Variants in RDX observed in about 807,000 individuals in gnomAD.
The protein encoded by RDX is radixin.
A neutral mutation model predicts 83.7 loss-of-function variants in RDX; 32 were observed. The observed-to-expected ratio is 0.38, with a 90% confidence interval of 0.29 to 0.51. The LOEUF (loss-of-function observed/expected upper bound fraction) is 0.51. Among genes scored for constraint, RDX ranks in the 20% least tolerant of loss-of-function variants. RDX has a pLI of 0.87. For missense variants in RDX, 600 were observed against 689.9 expected (o/e 0.87, Z 1.46); for synonymous variants, 229 against 222.7 (o/e 1.03, Z -0.25).
chr11:110,224,213 ATATAT>A (rs1392471110), intron 14 of RDX, among the ~76,000 whole-genome samples: 2 of 150,768 alleles, frequency 1.3e-5, no homozygotes, highest in Non-Finnish European at 2.9e-5. Flanking sequence ...CTGTTTATAT[ATATAT>A]ATTAAAAAAA....
chr11:110,202,307 C>T (rs1271040769), intron 14 of RDX, among the ~76,000 whole-genome samples: 2 of 151,876 alleles, frequency 1.3e-5, no homozygotes, highest in Non-Finnish European at 2.9e-5. Flanking sequence ...AGACAGGAAT[C>T]GCTTGAACCC....
chr11:110,191,090 A>G (rs759799613), intron 15 of RDX, among the ~76,000 whole-genome samples: 1 of 152,228 alleles, frequency 6.6e-6, no homozygotes, highest in Non-Finnish European at 1.5e-5. Flanking sequence ...AACTCATTCT[A>G]TGAAGCCAGC....
intron 14 of RDX, among the ~76,000 whole-genome samples, chr11:110,215,050 AT>A (rs1482106632): frequency 0.1 from 6,880 of 67,870 alleles, 263 homozygotes; most frequent in East Asian, 0.36. Context: ...AAAAAAAAAA[AT>A]ATATATATAT....
exon 15 of RDX, chr11:110,199,585 T>C (rs1456935619): frequency 1.4e-6 from 1 of 702,872 alleles, no homozygotes; most frequent in African/African-American, 1.7e-5. Context: ...ACTTACCTAG[T>C]GAGGGAGGGA....
intron 15 of RDX, among the ~76,000 whole-genome samples, chr11:110,177,960 C>A (rs1862809997): frequency 6.6e-6 from 1 of 152,116 alleles, no homozygotes; most frequent in Non-Finnish European, 1.5e-5. Flanking sequence ...ACACACCCTG[C>A]CTCTCTGATC....
intron 1 of RDX, among the ~76,000 whole-genome samples, chr11:110,296,071 GC>G (rs1236698979): frequency 6.6e-6 from 1 of 152,250 alleles, no homozygotes; most frequent in African/African-American, 2.4e-5. Flanking sequence ...GACCATGCCA[GC>G]CCGGGCCCGG....
chr11:110,242,358 C>G (rs748536327), intron 10 of RDX, among the ~76,000 whole-genome samples: 1 of 150,898 alleles, frequency 6.6e-6, no homozygotes, highest in African/African-American at 2.4e-5. Context: ...CGCTTGAACC[C>G]GGGAGGCAGA....
intron 14 of RDX, among the ~76,000 whole-genome samples, chr11:110,219,048 G>C (rs1300153684): frequency 1.3e-5 from 2 of 152,184 alleles, no homozygotes; most frequent in African/African-American, 4.8e-5. Context: ...ATGCTAGATG[G>C]TAAGTGCTAC....
At chr11:110,284,349 A>G (rs1860891139) in intron 1 of RDX, among the ~76,000 whole-genome samples, 1 of 152,206 alleles carries the variant, frequency 6.6e-6, no homozygotes, top group Non-Finnish European at 1.5e-5. Context: ...GATTACAATC[A>G]CCAAAGTAAT....
chr11:110,234,654 T>A (rs911475364), intron 12 of RDX, among the ~76,000 whole-genome samples: 1 of 152,184 alleles, frequency 6.6e-6, no homozygotes, highest in Non-Finnish European at 1.5e-5. Context: ...TTTATGTGTC[T>A]CTAAATTTCA....
At chr11:110,190,403 G>A (rs1192372174) in intron 15 of RDX, among the ~76,000 whole-genome samples, 5 of 152,182 alleles carry the variant, frequency 3.3e-5, no homozygotes, top group Non-Finnish European at 5.9e-5. Flanking sequence ...GCAGTGAGCC[G>A]AGACTGTGCC....
intron 15 of RDX, chr11:110,181,689 A>T (rs982935291): frequency 6.6e-6 from 1 of 152,492 alleles, no homozygotes; most frequent in Non-Finnish European, 1.5e-5. Flanking sequence ...GACAAAGGCA[A>T]GTACCAGGCT....
chr11:110,240,311 T>TCA (rs1363016122), intron 10 of RDX, among the ~76,000 whole-genome samples: 1 of 140,776 alleles, frequency 7.1e-6, no homozygotes, highest in African/African-American at 2.5e-5. Flanking sequence ...TTGCATGTTT[T>TCA]CACTCATATG....
chr11:110,245,717 A>T (rs1368788157), intron 10 of RDX, among the ~76,000 whole-genome samples: 2 of 152,198 alleles, frequency 1.3e-5, no homozygotes, highest in Admixed American at 1.3e-4. Context: ...ATTATTTAAT[A>T]TATTGCTTTG....
intron 14 of RDX, among the ~76,000 whole-genome samples, chr11:110,202,875 A>G (rs1863465024): frequency 6.6e-6 from 1 of 152,154 alleles, no homozygotes; most frequent in African/African-American, 2.4e-5. Context: ...CTATTAAGAC[A>G]GGTAATAACA....
In RDX at chr11:110,231,357, T is replaced by A. The variant is rs1365476256; in HGVS notation, c.*512A>T. On this transcript the variant is annotated 3_prime_UTR_variant, in exon 14 of 14. Coordinates refer to ENST00000645495, the MANE Select transcript of RDX (RefSeq NM_002906.4). The stretch of plus-strand genomic sequence containing the variant: ...GATGATCAAAGACTGTCCACTGTGC[T>A]ACCTACCATCATTTTAAACACTGCC... 5.6e-6 allele frequency: 1 copy of A among 178,164 alleles called. No individual in the cohort carries two copies. Among genetic ancestry groups the A allele is most frequent in the Non-Finnish European group, 1.2e-5 (1 of 83,084 alleles). 11.0% of individuals were successfully genotyped at this position (178,164 alleles called of 1,614,324 possible).
At chr11:110,215,046 AAAAATAT>A (rs1565295489) in intron 14 of RDX, among the ~76,000 whole-genome samples, 2 of 93,984 alleles carry the variant, frequency 2.1e-5, no homozygotes, top group South Asian at 6.0e-4. Flanking sequence ...CAAAAAAAAA[AAAAATAT>A]ATATATATAT....
rs142512104 is a variant in RDX at position 110,293,943 on chromosome 11, A to C, written c.-65+2524T>G. ...ATAAATTAAAATGCATTAAATTAAA[A>C]ATGGATGAAAAAACAAGACTCTCAC... On this transcript the variant is annotated intron_variant, in intron 1 of 13. Coordinates refer to ENST00000645495, the MANE Select transcript of RDX (RefSeq NM_002906.4). Among the ~76,000 whole-genome samples, 13 of 152,380 alleles carry C rather than the reference A, an allele frequency of 8.5e-5. No individual in the cohort carries two copies. In the East Asian group the frequency reaches 2.5e-3, roughly 29 times the overall value.
chr11:110,176,686 G>A (rs2134212792), intron 15 of RDX, among the ~76,000 whole-genome samples: 1 of 152,290 alleles, frequency 6.6e-6, no homozygotes, highest in African/African-American at 2.4e-5. Flanking sequence ...GAGGGGTGGC[G>A]CAGGGAATAT....
Sources: gnomAD v4.1 joint callset for allele counts (sites outside exome capture counted in the v4.1 genomes callset) on GRCh38, gnomAD v4.1.1 for gene constraint, MANE v1.5 for transcripts, NCBI Gene and HGNC (gene_info 2026-07-23, HGNC 2026-07-21) for gene names.